KIRREL3: variants seen among roughly 807,000 people sequenced by gnomAD.
The protein encoded by KIRREL3 is kirre like nephrin family adhesion molecule 3.
In KIRREL3, 36 loss-of-function variants were observed where a neutral mutation model predicts 89.7. The ratio of observed to expected loss-of-function variants is 0.40; its 90% CI spans 0.31 to 0.53. KIRREL3 has a LOEUF of 0.53. Among genes scored for constraint, KIRREL3 ranks in the 20% least tolerant of loss-of-function variants. The pLI is 0.49. For synonymous variants in KIRREL3, 445 were observed against 441.4 expected (o/e 1.01, Z -0.10); for missense variants, 864 against 1,056.6 (o/e 0.82, Z 2.53).
chr11:126,864,302 G>T (rs1489246109), intron 1 of KIRREL3, among the ~76,000 whole-genome samples: 1 of 152,168 alleles, frequency 6.6e-6, no homozygotes, highest in East Asian at 1.9e-4. Flanking sequence ...TACATGAGGG[G>T]ACAGTGGCTT....
intron 4 of KIRREL3, among the ~76,000 whole-genome samples, chr11:126,499,510 C>T (rs1019171917): frequency 1.3e-5 from 2 of 152,166 alleles, no homozygotes; most frequent in Non-Finnish European, 2.9e-5. Flanking sequence ...TCCACACTGC[C>T]CACAGCCAAA....
Position 126,953,027 on chromosome 11 carries a change from T to G in KIRREL3, c.55+47428A>C, listed in dbSNP as rs1332441602. 6.6e-6 allele frequency among the ~76,000 whole-genome samples: 1 copy of G among 152,218 alleles called. No homozygotes were observed. The highest frequency in any genetic ancestry group is 2.4e-5 in the African/African-American group (1 of 41,454). ...TAAATCATTCTACTATGAAGACACATGCACATGTATGTTTATTGCAGCACT... is the reference window on the plus strand; with the variant it reads ...TAAATCATTCTACTATGAAGACACAGGCACATGTATGTTTATTGCAGCACT... On this transcript the variant is annotated intron_variant, in intron 1 of 16. Transcript: ENST00000525144. This position sits in a 1 kb window ranked among gnomAD's most constrained non-coding sequence, Gnocchi z 5.2.
At chr11:126,691,232 C>T (rs1400750844) in intron 1 of KIRREL3, among the ~76,000 whole-genome samples, 1 of 152,052 alleles carries the variant, frequency 6.6e-6, no homozygotes, top group South Asian at 2.1e-4. Flanking sequence ...GTCATGATCT[C>T]GTAAAGTTGA....
chr11:126,972,399 C>A (rs906512749), intron 1 of KIRREL3, among the ~76,000 whole-genome samples: 10 of 152,202 alleles, frequency 6.6e-5, no homozygotes, highest in African/African-American at 2.4e-4. Context: ...CCAATCTTAG[C>A]TTTTCCAGCC....
chr11:126,600,901 T>C (rs1368149496), intron 1 of KIRREL3, among the ~76,000 whole-genome samples: 1 of 152,172 alleles, frequency 6.6e-6, no homozygotes, highest in Non-Finnish European at 1.5e-5. Flanking sequence ...CAGTCACCCA[T>C]CAGTTTTGTC....
rs997026171 is a variant in KIRREL3 at position 126,719,158 on chromosome 11, G to T, written c.56-156246C>A. Among the ~76,000 whole-genome samples the T allele has an allele frequency of 6.6e-6, 1 of 152,012 alleles. No homozygotes were observed. The highest frequency in any genetic ancestry group is 1.5e-5 in the Non-Finnish European group (1 of 68,010). ...AGACAAACGCATTTCCCTTCATTCC[G>T]ACACTCGGTAACCCACTTATTCTGG... On this transcript the variant is annotated intron_variant, in intron 1 of 16. Coordinates refer to ENST00000525144, the MANE Select transcript of KIRREL3 (RefSeq NM_032531.4). The surrounding 1 kb of genome is among the most constrained non-coding windows in gnomAD (Gnocchi z 4.7).
rs1030991181 is a variant in KIRREL3 at position 126,500,186 on chromosome 11, G to C, written c.433+21129C>G. 3.3e-5 allele frequency among the ~76,000 whole-genome samples: 5 copies of C among 152,170 alleles called. No individual in the cohort carries two copies. The South Asian group carries it at 1.0e-3, about 31-fold the overall frequency. On this transcript the variant is annotated intron_variant, in intron 4 of 16. Coordinates refer to ENST00000525144, the MANE Select transcript of KIRREL3 (RefSeq NM_032531.4). ...GTCGGAGTACGATTAGGTGGAATTT[G>C]GCCAGTAGTTGCAGGAATCTCAGCC...
At position 126,655,725 on chromosome 11, in the gene KIRREL3, C is replaced by T. The variant is rs1368103856; in HGVS notation, c.56-92813G>A. On this transcript the variant is annotated intron_variant, in intron 1 of 16. Transcript: ENST00000525144. The surrounding 1 kb of genome is among the most constrained non-coding windows in gnomAD (Gnocchi z 5.0). ...TCAGGGGGCTGCAGATTTAGGGGGA[C>T]AGTCCTGGTGGCTTGGTCTTAGGCT... Among the ~76,000 whole-genome samples the T allele has an allele frequency of 1.3e-5, 2 of 152,274 alleles. No individual in the cohort carries two copies. Among genetic ancestry groups the T allele is most frequent in the Middle Eastern group, 3.4e-3 (1 of 294 alleles).
intron 11 of KIRREL3, among the ~76,000 whole-genome samples, chr11:126,438,874 A>C (rs1337476477): frequency 6.6e-6 from 1 of 152,156 alleles, no homozygotes; most frequent in Non-Finnish European, 1.5e-5. Flanking sequence ...CCCCGCATGC[A>C]CGGGTTAGGG....
Position 126,628,599 on chromosome 11 carries a change from C to G in KIRREL3, c.56-65687G>C, listed in dbSNP as rs1478485881. Among the ~76,000 whole-genome samples, 2 of 152,224 alleles carry G rather than the reference C, an allele frequency of 1.3e-5. No homozygotes were observed. The highest frequency in any genetic ancestry group is 4.8e-5 in the African/African-American group (2 of 41,458). The stretch of plus-strand genomic sequence containing the variant: ...TGCCAACCTTTCTATAAGCCTTCTT[C>G]TGAGATCCAGCCCAGTCTCCTTGGG... On this transcript the variant is annotated intron_variant, in intron 1 of 16. Coordinates refer to ENST00000525144, the MANE Select transcript of KIRREL3 (RefSeq NM_032531.4). The surrounding 1 kb of genome is among the most constrained non-coding windows in gnomAD (Gnocchi z 5.2).
chr11:126,707,835 C>CTT (rs11383510), intron 1 of KIRREL3, among the ~76,000 whole-genome samples: 2,388 of 147,460 alleles, frequency 0.016, 33 homozygotes, highest in African/African-American at 0.019. Context: ...TTGTGATGAG[C>CTT]TTTTTTTTTT....
At chr11:126,821,791 C>G (rs904131893) in intron 1 of KIRREL3, among the ~76,000 whole-genome samples, 1 of 151,852 alleles carries the variant, frequency 6.6e-6, no homozygotes, top group South Asian at 2.1e-4. Context: ...ACGCAGGGTG[C>G]AAAAGATCCC....
chr11:126,996,973 G>A lies in KIRREL3; in HGVS notation c.55+3482C>T, dbSNP rs1249300725. On this transcript the variant is annotated intron_variant, in intron 1 of 16. Coordinates refer to ENST00000525144, the MANE Select transcript of KIRREL3 (RefSeq NM_032531.4). This position sits in a 1 kb window ranked among gnomAD's most constrained non-coding sequence, Gnocchi z 4.7. ...CCACCTTTCTTAAGAGCGAGTGTCT[G>A]GAGTAGAAGGCGCCAAGTTCTTGCC... Among the ~76,000 whole-genome samples the A allele has an allele frequency of 1.3e-5, 2 of 152,132 alleles. No individual in the cohort carries two copies. Among genetic ancestry groups the A allele is most frequent in the African/African-American group, 2.4e-5 (1 of 41,430 alleles).
rs536986940 is a variant in KIRREL3 at position 126,569,644 on chromosome 11, G to A, written c.56-6732C>T. Among the ~76,000 whole-genome samples, 21 of 152,334 alleles carry A rather than the reference G, an allele frequency of 1.4e-4. No individual in the cohort carries two copies. The South Asian group carries it at 3.9e-3, about 29-fold the overall frequency. On this transcript the variant is annotated intron_variant, in intron 1 of 16. Transcript: ENST00000525144. The surrounding 1 kb of genome is among the most constrained non-coding windows in gnomAD (Gnocchi z 6.5). ...GTAATAGTTCGGTAAAGAAAGTCTT[G>A]AGGCAGCACGCAAGTTATTTCTGCA...
rs546871245 is a variant in KIRREL3 at position 126,917,785 on chromosome 11, C to T, written c.55+82670G>A. 1.3e-5 allele frequency among the ~76,000 whole-genome samples: 2 copies of T among 152,210 alleles called. No individual in the cohort carries two copies. Among genetic ancestry groups the T allele is most frequent in the Non-Finnish European group, 2.9e-5 (2 of 68,036 alleles). On this transcript the variant is annotated intron_variant, in intron 1 of 16. Coordinates refer to ENST00000525144, the MANE Select transcript of KIRREL3 (RefSeq NM_032531.4). The surrounding 1 kb of genome is among the most constrained non-coding windows in gnomAD (Gnocchi z 5.0). ...ACCAATACTTTTCTGCCACTCCACT[C>T]ATTGTCTAACCTTAGGCATGGACTT... is the stretch of plus-strand genomic sequence containing the variant.
chr11:126,927,375 TC>T (rs755716192), intron 1 of KIRREL3, among the ~76,000 whole-genome samples: 46 of 152,364 alleles, frequency 3.0e-4, no homozygotes, highest in South Asian at 1.2e-3. Context: ...TACTTATGTG[TC>T]TTACCCAGTT....
At chr11:126,634,688 A>G (rs1181695057) in intron 1 of KIRREL3, among the ~76,000 whole-genome samples, 2 of 152,202 alleles carry the variant, frequency 1.3e-5, no homozygotes, top group Non-Finnish European at 2.9e-5. Flanking sequence ...CCTGGCAAAG[A>G]GTGCATCGGG....
At chr11:126,902,389 T>C (rs1946407769) in intron 1 of KIRREL3, among the ~76,000 whole-genome samples, 1 of 152,230 alleles carries the variant, frequency 6.6e-6, no homozygotes, top group African/African-American at 2.4e-5. Context: ...ATTGAATTAA[T>C]CTATTTGAAA....
rs553556345 is a variant in KIRREL3, at chr11:126,848,397, C to T, written c.55+152058G>A. Among the ~76,000 whole-genome samples the T allele has an allele frequency of 3.9e-5, 6 of 152,210 alleles. No individual in the cohort carries two copies. In the South Asian group the frequency reaches 1.2e-3, roughly 32 times the overall value. The stretch of plus-strand genomic sequence containing the variant: ...ATTATGTTTCAAGAACTATGGTATA[C>T]CTGTTATTAAATTCCAGTCTCATCA... On this transcript the variant is annotated intron_variant, in intron 1 of 16. Coordinates refer to ENST00000525144, the MANE Select transcript of KIRREL3 (RefSeq NM_032531.4).
Sources: allele counts gnomAD v4.1 joint callset (sites outside exome capture counted in the v4.1 genomes callset), GRCh38; gene constraint gnomAD v4.1.1; non-coding constraint Gnocchi (gnomAD v3.1); transcripts MANE v1.5; gene names NCBI Gene and HGNC (gene_info 2026-07-23, HGNC 2026-07-21).